Variants in NBEA observed in about 807,000 individuals in gnomAD.
NBEA encodes the protein neurobeachin.
A neutral mutation model predicts 343.4 loss-of-function variants in NBEA; 44 were observed. The observed-to-expected ratio is 0.13, with a 90% CI of 0.10 to 0.16. The LOEUF is 0.16. Among genes scored for constraint, NBEA ranks in the 10% least tolerant of loss-of-function variants. NBEA has a pLI of 1.00. For missense variants in NBEA, 2,555 were observed against 3,631.3 expected (o/e 0.70, Z 7.62); for synonymous variants, 1,175 against 1,238.7 (o/e 0.95, Z 1.08).
chr13:35,045,133 T>G, intron 3 of NBEA, 86 bp downstream of exon 3: 1 of 1,265,356 alleles, frequency 7.9e-7, no homozygotes, highest in Non-Finnish European at 1.1e-6. Flanking sequence ...AGCTATATAC[T>G]TGAATTTATA....
intron 17 of NBEA, among the ~76,000 whole-genome samples, chr13:35,130,762 G>A (rs1342524302): frequency 6.6e-6 from 1 of 151,572 alleles, no homozygotes; most frequent in Non-Finnish European, 1.5e-5. Flanking sequence ...CCATAAAGTA[G>A]GCTCAAGAAA....
intron 38 of NBEA, among the ~76,000 whole-genome samples, chr13:35,393,452 G>A (rs1051413800): frequency 6.6e-6 from 1 of 151,926 alleles, no homozygotes; most frequent in Non-Finnish European, 1.5e-5. Context: ...AATATCCTTT[G>A]GTATGCTTTT....
At position 35,195,845 on chromosome 13, in the gene NBEA, C is replaced by T; in HGVS notation, c.4928-19C>T. The T allele has an allele frequency of 6.5e-7, 1 of 1,538,650 alleles. No homozygotes were observed. The highest frequency in any genetic ancestry group is 8.7e-7 in the Non-Finnish European group (1 of 1,146,086). On this transcript the variant is annotated intron_variant, in intron 30 of 58. Coordinates refer to ENST00000379939, the MANE Select transcript of NBEA (RefSeq NM_001385012.1). ...TTTACTTTCAAAGCTTTTTTCTAACCTAGTTTCTTTCATTACAGAAACACC... is the reference window on the plus strand; with the variant it reads ...TTTACTTTCAAAGCTTTTTTCTAACTTAGTTTCTTTCATTACAGAAACACC...
At chr13:35,261,155 T>A (rs945730592) in intron 34 of NBEA, among the ~76,000 whole-genome samples, 42 of 152,100 alleles carry the variant, frequency 2.8e-4, no homozygotes, top group African/African-American at 8.5e-4. Context: ...TTCTGGGAAA[T>A]GACAGGGATA....
chr13:35,357,240 T>C (rs2040540087), intron 38 of NBEA, among the ~76,000 whole-genome samples: 1 of 152,162 alleles, frequency 6.6e-6, no homozygotes, highest in Admixed American at 6.6e-5. Flanking sequence ...ACTTACTAGC[T>C]GTATGACTTG....
intron 34 of NBEA, among the ~76,000 whole-genome samples, chr13:35,243,355 A>C (rs558035684): frequency 2.6e-5 from 4 of 152,036 alleles, no homozygotes; most frequent in African/African-American, 9.6e-5. Flanking sequence ...GGAAGAAATA[A>C]GAGACAAAAA....
intron 38 of NBEA, among the ~76,000 whole-genome samples, chr13:35,389,970 A>AGTGTGTGT (rs10523765): frequency 0.068 from 9,349 of 137,858 alleles, 354 homozygotes; most frequent in South Asian, 0.16. Flanking sequence ...TCTTTTGTAG[A>AGTGTGTGT]GTGTGTGTGT....
At chr13:35,281,176 T>C (rs1466845963) in intron 34 of NBEA, among the ~76,000 whole-genome samples, 2 of 152,126 alleles carry the variant, frequency 1.3e-5, no homozygotes, top group Non-Finnish European at 2.9e-5. Flanking sequence ...ATAAATTATT[T>C]CTTGGGTTGA....
chr13:35,409,790 C>T (rs1197226777), intron 38 of NBEA, among the ~76,000 whole-genome samples: 2 of 151,714 alleles, frequency 1.3e-5, no homozygotes, highest in Non-Finnish European at 3.0e-5. Context: ...GAGAGGGCCG[C>T]AGCTTAACAA....
At chr13:34,990,546 G>A (rs2060715602) in intron 1 of NBEA, among the ~76,000 whole-genome samples, 2 of 151,092 alleles carry the variant, frequency 1.3e-5, no homozygotes, top group Admixed American at 6.6e-5. Context: ...CTGAGGTTGT[G>A]TAGGGTAGCA....
At chr13:35,088,497 A>T (rs897133217) in intron 10 of NBEA, among the ~76,000 whole-genome samples, 1 of 151,836 alleles carries the variant, frequency 6.6e-6, no homozygotes, top group Non-Finnish European at 1.5e-5. Context: ...GATAGCTTCT[A>T]TTTAGGAAAA....
chr13:35,631,866 T>C (rs2083469831), intron 49 of NBEA, among the ~76,000 whole-genome samples: 2 of 152,164 alleles, frequency 1.3e-5, no homozygotes, highest in Admixed American at 6.5e-5. Context: ...ATTGACATTC[T>C]TTGACAGTTT....
intron 34 of NBEA, among the ~76,000 whole-genome samples, chr13:35,252,758 TTC>T (rs1004704426): frequency 1.4e-4 from 21 of 152,230 alleles, no homozygotes; most frequent in Admixed American, 1.2e-3. Flanking sequence ...CTAAGAGTGG[TTC>T]TCTCTAACAG....
intron 41 of NBEA, among the ~76,000 whole-genome samples, chr13:35,536,668 A>ATAGT (rs1409070849): frequency 2.2e-4 from 34 of 152,206 alleles, no homozygotes; most frequent in African/African-American, 8.2e-4. Context: ...AGATAGATAG[A>ATAGT]TAGACAGACA....
At chr13:35,408,291 GATA>G (rs1169736342) in intron 38 of NBEA, among the ~76,000 whole-genome samples, 4 of 152,164 alleles carry the variant, frequency 2.6e-5, no homozygotes, top group African/African-American at 9.7e-5. Flanking sequence ...TTAGTGCTAA[GATA>G]AGTGGCTAGC....
chr13:35,349,147 T>G lies in NBEA; in HGVS notation c.5943T>G (p.Val1981=). 6.2e-7 allele frequency: 1 copy of G among 1,608,622 alleles called. No individual in the cohort carries two copies. The highest frequency in any genetic ancestry group is 2.2e-5 in the East Asian group (1 of 44,638). ...CTATGAAGGACCATATAGTCCGTGTTGCAAATGAAGCTGAGTTTATTTTGA... is the reference window on the plus strand; with the variant it reads ...CTATGAAGGACCATATAGTCCGTGTGGCAAATGAAGCTGAGTTTATTTTGA... ...CHAMKDHIVR[V]ANEAEFILNR... Residue 1981 remains valine (V), a synonymous_variant, in exon 37 of 59, where the codon GTT becomes GTG. Transcript: ENST00000379939.
intron 44 of NBEA, among the ~76,000 whole-genome samples, chr13:35,560,120 ACAGAGATGAGGTAGAGAGTAG>A (rs139613496): frequency 0.2 from 30,991 of 151,944 alleles, 3,497 homozygotes; most frequent in South Asian, 0.29. Flanking sequence ...TCCCCATTTT[ACAGAGATGAGGTAGAGAGTAG>A]CTAAATAACT....
At chr13:35,475,832 T>A in intron 41 of NBEA, 1 of 1,613,882 alleles carries the variant, frequency 6.2e-7, no homozygotes, top group Non-Finnish European at 8.5e-7. Context: ...CGCCCGTCGC[T>A]CAACTTCAGC....
chr13:35,424,396 A>G lies in NBEA; in HGVS notation c.6180-7873A>G, dbSNP rs150490598. Among the ~76,000 whole-genome samples, 557 of 152,306 alleles carry G rather than the reference A, an allele frequency of 3.7e-3. 28 individuals are homozygous for G. In the East Asian group the frequency reaches 0.081, roughly 22 times the overall value. On this transcript the variant is annotated intron_variant, in intron 38 of 58. Transcript: ENST00000379939. Reference sequence around the variant, plus strand: ...TTTGTCAAAGGCCTTTTCTTCATCTATTGAGATAATCATTTGGTTTTTGTC... The same window carrying G: ...TTTGTCAAAGGCCTTTTCTTCATCTGTTGAGATAATCATTTGGTTTTTGTC...
Sources: allele counts gnomAD v4.1 joint callset (sites outside exome capture counted in the v4.1 genomes callset), GRCh38; gene constraint gnomAD v4.1.1; transcripts MANE v1.5; gene names NCBI Gene and HGNC (gene_info 2026-07-23, HGNC 2026-07-21).